ZHX2: variants seen among roughly 807,000 people sequenced by gnomAD.
ZHX2 encodes the protein zinc fingers and homeoboxes 2.
Under a neutral mutation model 21.9 loss-of-function variants are expected in ZHX2, and 6 were observed. That is an observed-to-expected ratio of 0.27 (90% CI 0.15 to 0.54). ZHX2 has a LOEUF of 0.54. Ranked by LOEUF, ZHX2 falls within the 20% of genes least tolerant of loss-of-function variation. The probability of loss-of-function intolerance (pLI) is 0.95; values close to 1 mark genes in which losing one functional copy is unlikely to be tolerated. For synonymous variants in ZHX2, 434 were observed against 437.1 expected (o/e 0.99, Z 0.09); for missense variants, 908 against 1,090.7 (o/e 0.83, Z 2.36).
At position 122,953,821 on chromosome 8, in the gene ZHX2, C is replaced by T. The variant is rs374001930; in HGVS notation, c.2311C>T (p.Arg771Trp). 1.9e-5 allele frequency: 31 copies of T among 1,614,096 alleles called. No individual in the cohort carries two copies. The highest frequency in any genetic ancestry group is 4.0e-5 in the African/African-American group (3 of 74,932). ...PAKPSEATSD[R>W]SEGSSRDGQG... ...AAAGCCCTCAGAGGCCACCTCAGAC[C>T]GGTCAGAGGGCAGCAGCCGGGACGG... The change falls in exon 3 of 4, where the codon CGG (arginine) becomes TGG (tryptophan). Residue 771 changes from arginine to tryptophan, a missense_variant. Around this residue, in one of 4 missense-constraint regions of ZHX2, gnomAD observed 431 missense variants for 428.6 expected, o/e 1.01. Transcript: ENST00000314393. The surrounding 1 kb of genome is among the most constrained non-coding windows in gnomAD (Gnocchi z 4.6).
At chr8:122,912,510 G>A (rs974261166) in intron 2 of ZHX2, among the ~76,000 whole-genome samples, 6 of 152,174 alleles carry the variant, frequency 3.9e-5, no homozygotes, top group Non-Finnish European at 5.9e-5. Flanking sequence ...ACCCCTAGTA[G>A]CACAGATCCT....
chr8:122,960,578 G>A (rs1209235113), intron 3 of ZHX2, among the ~76,000 whole-genome samples: 1 of 151,998 alleles, frequency 6.6e-6, no homozygotes, highest in African/African-American at 2.4e-5. Flanking sequence ...AAGAAGTAAT[G>A]GATGGATTGA....
At chr8:122,872,614 G>A (rs1292426721) in intron 2 of ZHX2, among the ~76,000 whole-genome samples, 1 of 152,122 alleles carries the variant, frequency 6.6e-6, no homozygotes, top group Non-Finnish European at 1.5e-5. Context: ...AGAGCTCAAA[G>A]TTTCTTGGCC....
chr8:122,919,434 A>G (rs1317080016), intron 2 of ZHX2, among the ~76,000 whole-genome samples: 1 of 152,060 alleles, frequency 6.6e-6, no homozygotes, highest in Non-Finnish European at 1.5e-5. Context: ...TTCCTCATGT[A>G]TTTATTGCGT....
chr8:122,944,892 C>G, intron 2 of ZHX2, among the ~76,000 whole-genome samples: 1 of 152,292 alleles, frequency 6.6e-6, no homozygotes, highest in East Asian at 1.9e-4. Flanking sequence ...ATTACCCTAA[C>G]TCCAAGGTTA....
At position 122,853,712 on chromosome 8, in the gene ZHX2, G is replaced by A. The variant is rs114080099; in HGVS notation, c.-282-9765G>A. Among the ~76,000 whole-genome samples, 1,430 of 152,012 alleles carry A rather than the reference G, an allele frequency of 9.4e-3. 20 individuals are homozygous for A. The highest frequency in any genetic ancestry group is 0.033 in the African/African-American group (1,354 of 41,422). ...CAATTTCCACCCATTCTTCATGGAC[G>A]AGGACAAACACCGCCTTCTCCATGC... is the stretch of plus-strand genomic sequence containing the variant. On this transcript the variant is annotated intron_variant, in intron 1 of 3. Coordinates refer to ENST00000314393, the MANE Select transcript of ZHX2 (RefSeq NM_014943.5).
chr8:122,863,857 A>C (rs983665921), intron 2 of ZHX2, among the ~76,000 whole-genome samples: 2 of 152,154 alleles, frequency 1.3e-5, no homozygotes, highest in Admixed American at 6.5e-5. Flanking sequence ...ACCTCTAGCC[A>C]GGGCTAGGGA....
chr8:122,914,773 C>T (rs1261412416), intron 2 of ZHX2, among the ~76,000 whole-genome samples: 1 of 152,222 alleles, frequency 6.6e-6, no homozygotes, highest in Non-Finnish European at 1.5e-5. Flanking sequence ...TTTTTCATCT[C>T]CTTCTTGGAC....
chr8:122,944,537 G>A (rs185781844), intron 2 of ZHX2, among the ~76,000 whole-genome samples: 32 of 152,082 alleles, frequency 2.1e-4, no homozygotes, highest in African/African-American at 6.3e-4. Context: ...AAAGGAAGTC[G>A]CTGACCACAC....
chr8:122,792,437 A>C (rs968286183), intron 1 of ZHX2, among the ~76,000 whole-genome samples: 2 of 152,194 alleles, frequency 1.3e-5, no homozygotes, highest in African/African-American at 4.8e-5. Flanking sequence ...GAACATTCGT[A>C]TACAAGTCTT....
intron 1 of ZHX2, among the ~76,000 whole-genome samples, chr8:122,824,338 G>A (rs1812940240): frequency 1.3e-5 from 2 of 152,200 alleles, no homozygotes; most frequent in South Asian, 4.1e-4. Flanking sequence ...ATGCACCACT[G>A]ACTCTAAGTG....
In ZHX2 at chr8:122,960,236, C is replaced by G. The variant is rs76654560; in HGVS notation, c.*4+6208C>G. On this transcript the variant is annotated intron_variant, in intron 3 of 3. Coordinates refer to ENST00000314393, the MANE Select transcript of ZHX2 (RefSeq NM_014943.5). ...AATAGCAGATTTAAGGTTTAGGGGA[C>G]ACTCCCTAAAGAGGTAATGGGGCCA... Among the ~76,000 whole-genome samples, 622 of 152,130 alleles carry G rather than the reference C, an allele frequency of 4.1e-3. 6 individuals carry two copies. The highest frequency in any genetic ancestry group is 0.014 in the African/African-American group (598 of 41,494).
chr8:122,817,189 C>G (rs1228488789), intron 1 of ZHX2, among the ~76,000 whole-genome samples: 1 of 152,190 alleles, frequency 6.6e-6, no homozygotes, highest in Non-Finnish European at 1.5e-5. Context: ...GAACACGGAT[C>G]CTGGGGAGTA....
chr8:122,901,793 A>G (rs930638948), intron 2 of ZHX2, among the ~76,000 whole-genome samples: 1 of 151,962 alleles, frequency 6.6e-6, no homozygotes, highest in Non-Finnish European at 1.5e-5. Context: ...TCATATCCCA[A>G]CCCCCATCTT....
At chr8:122,824,562 A>G (rs536690735) in intron 1 of ZHX2, among the ~76,000 whole-genome samples, 10 of 152,210 alleles carry the variant, frequency 6.6e-5, no homozygotes, top group Non-Finnish European at 1.5e-4. Context: ...CAGAACTGGA[A>G]TGTACCTTAG....
rs1046666242 is a variant in ZHX2, at chr8:122,782,698, C to G, written c.-283+752C>G. Among the ~76,000 whole-genome samples the G allele has an allele frequency of 2.0e-5, 3 of 152,064 alleles. No individual in the cohort carries two copies. On this transcript the variant is annotated intron_variant, in intron 1 of 3. Coordinates refer to ENST00000314393, the MANE Select transcript of ZHX2 (RefSeq NM_014943.5). This position sits in a 1 kb window ranked among gnomAD's most constrained non-coding sequence, Gnocchi z 5.3. ...GGGCCGGAGCGCGGCGCTGTCCTCA[C>G]CCCCGCTCAGGTGCAGGGGGAGTCC...
At chr8:122,912,256 C>T (rs1490834088) in intron 2 of ZHX2, among the ~76,000 whole-genome samples, 1 of 152,170 alleles carries the variant, frequency 6.6e-6, no homozygotes, top group Non-Finnish European at 1.5e-5. Flanking sequence ...GCAGAAACGG[C>T]CTGGGAGAGC....
Position 122,952,313 on chromosome 8 carries a change from A to G in ZHX2, c.803A>G (p.Asn268Ser). Residue 268 changes from asparagine to serine, a missense_variant, in exon 3 of 4, where the codon AAC becomes AGC. Physicochemically the swap from Asn to Ser is conservative, Grantham distance 46. Coordinates refer to ENST00000314393, the MANE Select transcript of ZHX2 (RefSeq NM_014943.5). The surrounding 1 kb of genome is among the most constrained non-coding windows in gnomAD (Gnocchi z 6.9). ...VPVPLNTTKY[N>S]SALDTNATMI... ...GTCCCACTAAATACTACCAAATACA[A>G]CTCTGCCCTGGATACAAATGCCACG... The G allele has an allele frequency of 6.2e-7, 1 of 1,613,126 alleles. No individual in the cohort carries two copies. The highest frequency in any genetic ancestry group is 8.5e-7 in the Non-Finnish European group (1 of 1,179,750).
chr8:122,952,814 A>G lies in ZHX2; in HGVS notation c.1304A>G (p.Asn435Ser). 6.2e-7 allele frequency: 1 copy of G among 1,613,762 alleles called. No homozygotes were observed. The highest frequency in any genetic ancestry group is 8.5e-7 in the Non-Finnish European group (1 of 1,179,950). The change falls in exon 3 of 4, where the codon AAC (asparagine) becomes AGC (serine). Residue 435 changes from asparagine to serine, a missense_variant. This residue lies in a region of ZHX2 where 232 missense variants were observed against 361.8 expected (regional missense o/e 0.64). Transcript: ENST00000314393. This position sits in a 1 kb window ranked among gnomAD's most constrained non-coding sequence, Gnocchi z 6.9. ...CCAGAGCCCCCACCCAAGGTGGCCA[A>G]CCCCCCGCTCACACCAGCCAGTGAC... is the stretch of plus-strand genomic sequence containing the variant. Reference protein sequence around the residue: ...QVPEPPPKVANPPLTPASDRK... With the variant: ...QVPEPPPKVASPPLTPASDRK...
Sources: gnomAD v4.1 joint callset for allele counts (sites outside exome capture counted in the v4.1 genomes callset) on GRCh38, gnomAD v4.1.1 for gene constraint, gnomAD v4.1.1 regional missense constraint, Gnocchi (gnomAD v3.1) non-coding constraint, MANE v1.5 for transcripts, NCBI Gene and HGNC (gene_info 2026-07-23, HGNC 2026-07-21) for gene names.